The following CNBD2 variants were observed in gnomAD, a reference collection of about 807,000 sequenced individuals.
CNBD2 encodes cyclic nucleotide binding domain containing 2.
In CNBD2, 64 loss-of-function variants were observed where a neutral mutation model predicts 63.7. The observed-to-expected ratio is 1.00, with a 90% CI of 0.82 to 1.24. CNBD2 has a LOEUF of 1.24. CNBD2 is among the 50% of genes most tolerant of loss of function. The probability of loss-of-function intolerance (pLI) is 0.00; values close to 1 mark genes in which losing one functional copy is unlikely to be tolerated. For missense variants in CNBD2, 691 were observed against 713.5 expected (o/e 0.97, Z 0.36); for synonymous variants, 229 against 255.4 (o/e 0.90, Z 0.99).
At chr20:35,970,130 C>CAA (rs1451068442) in intron 1 of CNBD2, among the ~76,000 whole-genome samples, 1 of 152,126 alleles carries the variant, frequency 6.6e-6, no homozygotes, top group Non-Finnish European at 1.5e-5. Context: ...TCTTTACAAA[C>CAA]AATGTAAATA....
chr20:35,991,747 T>A (rs1327053077), intron 7 of CNBD2, among the ~76,000 whole-genome samples: 1 of 152,202 alleles, frequency 6.6e-6, no homozygotes, highest in Non-Finnish European at 1.5e-5. Context: ...AATCACCCCA[T>A]AAAGTCTGGT....
At chr20:35,968,001 T>C (rs918723012), upstream of CNBD2, among the ~76,000 whole-genome samples, 6 of 152,150 alleles carry the variant, frequency 3.9e-5, no homozygotes, top group Non-Finnish European at 1.5e-5. Context: ...TGCTTCTCCT[T>C]GTGGGGCAGG....
At chr20:36,011,088 G>A in intron 9 of CNBD2, 49 bp from the exon 10 acceptor site, 2 of 1,434,832 alleles carry the variant, frequency 1.4e-6, no homozygotes, top group East Asian at 2.6e-5. Context: ...AGGGCCTCAG[G>A]AGCAGACTGT....
At chr20:36,002,305 G>C (rs1417560243) in intron 8 of CNBD2, among the ~76,000 whole-genome samples, 4 of 152,248 alleles carry the variant, frequency 2.6e-5, no homozygotes, top group African/African-American at 9.6e-5. Flanking sequence ...GCTGAGGCAG[G>C]AGAATCAGGC....
At chr20:36,001,895 C>T (rs1302903948) in intron 8 of CNBD2, among the ~76,000 whole-genome samples, 16 of 150,618 alleles carry the variant, frequency 1.1e-4, no homozygotes, top group Non-Finnish European at 2.4e-4. Flanking sequence ...CGGGCAGAGA[C>T]GCTCCTCACT....
upstream of CNBD2, among the ~76,000 whole-genome samples, chr20:35,965,755 T>C (rs982275991): frequency 6.6e-6 from 1 of 152,176 alleles, no homozygotes; most frequent in Non-Finnish European, 1.5e-5. Context: ...TCAGGTAAAT[T>C]GAGATCCAAT....
chr20:36,026,836 C>T (rs939642331), intron 11 of CNBD2, among the ~76,000 whole-genome samples: 2 of 152,186 alleles, frequency 1.3e-5, no homozygotes, highest in Admixed American at 1.3e-4. Flanking sequence ...TGTCATTGAC[C>T]GTATCGTGTT....
intron 8 of CNBD2, among the ~76,000 whole-genome samples, chr20:36,002,972 T>G (rs912252245): frequency 3.9e-5 from 6 of 152,036 alleles, no homozygotes; most frequent in Non-Finnish European, 1.5e-5. Context: ...TTCTGTTCAT[T>G]TTTTTTATTC....
chr20:35,992,707 G>T (rs2056762965), intron 7 of CNBD2, among the ~76,000 whole-genome samples: 1 of 151,992 alleles, frequency 6.6e-6, no homozygotes, highest in Non-Finnish European at 1.5e-5. Context: ...GAATTCAGAG[G>T]ATCAGGCAAC....
downstream of CNBD2, among the ~76,000 whole-genome samples, chr20:35,956,798 C>A (rs2056261111): frequency 6.6e-6 from 1 of 152,144 alleles, no homozygotes; most frequent in South Asian, 2.1e-4. Context: ...GAGGAGACTT[C>A]AAGCTGAGAC....
At chr20:35,970,421 G>A (rs2056396220) in intron 1 of CNBD2, among the ~76,000 whole-genome samples, 1 of 152,040 alleles carries the variant, frequency 6.6e-6, no homozygotes, top group Admixed American at 6.6e-5. Context: ...TTTTGAGACA[G>A]AGTCTCACTC....
At chr20:36,015,977 G>GA (rs2057127608) in intron 10 of CNBD2, among the ~76,000 whole-genome samples, 1 of 151,354 alleles carries the variant, frequency 6.6e-6, no homozygotes, top group Non-Finnish European at 1.5e-5. Flanking sequence ...GAAAAAATCT[G>GA]AAAAACACAG....
At chr20:35,976,132 G>T (rs2056515154) in intron 3 of CNBD2, 130 bp downstream of exon 3, 2 of 747,464 alleles carry the variant, frequency 2.7e-6, no homozygotes, top group African/African-American at 3.5e-5. Flanking sequence ...TGTCACCCTG[G>T]GTTGGCCACT....
At chr20:35,980,410 T>A in intron 3 of CNBD2, 49 bp from the exon 4 acceptor site, 1 of 1,583,280 alleles carries the variant, frequency 6.3e-7, no homozygotes, top group Non-Finnish European at 8.7e-7. Context: ...CGCTGGCCCA[T>A]GGGTGAAATT....
At chr20:36,010,608 T>C (rs2057045481) in intron 9 of CNBD2, among the ~76,000 whole-genome samples, 1 of 151,908 alleles carries the variant, frequency 6.6e-6, no homozygotes, top group Admixed American at 6.6e-5. Flanking sequence ...CTGTCTCTGC[T>C]AAAAATTAGC....
intron 8 of CNBD2, among the ~76,000 whole-genome samples, chr20:36,001,488 G>C (rs898079113): frequency 6.7e-6 from 1 of 150,220 alleles, no homozygotes; most frequent in Non-Finnish European, 1.5e-5. Flanking sequence ...CTGGCCGGGC[G>C]GGGGGCTGAC....
chr20:35,959,875 G>T (rs1443028444), downstream of CNBD2, among the ~76,000 whole-genome samples: 1 of 152,188 alleles, frequency 6.6e-6, no homozygotes, highest in Non-Finnish European at 1.5e-5. Flanking sequence ...GATGTGATCA[G>T]ATTTGTGTTT....
chr20:35,954,602 G>A (rs1411141142), upstream of CNBD2: 2 of 1,382,998 alleles, frequency 1.4e-6, no homozygotes, highest in Admixed American at 2.5e-5. Context: ...CTGCCCTCGC[G>A]GTGCGGGAGG....
chr20:35,966,456 A>G (rs932020747), upstream of CNBD2, among the ~76,000 whole-genome samples: 4 of 152,196 alleles, frequency 2.6e-5, no homozygotes, highest in Non-Finnish European at 5.9e-5. Context: ...GATGCTTGAA[A>G]TCACAGTTTT....
Sources: allele counts gnomAD v4.1 joint callset (sites outside exome capture counted in the v4.1 genomes callset), GRCh38; gene constraint gnomAD v4.1.1; transcripts MANE v1.5; gene names NCBI Gene and HGNC (gene_info 2026-07-23, HGNC 2026-07-21).